CRB1: variants seen among roughly 807,000 people sequenced by gnomAD.
CRB1 encodes crumbs cell polarity complex component 1.
Under a neutral mutation model 120.0 loss-of-function variants are expected in CRB1, and 83 were observed. The ratio of observed to expected loss-of-function variants is 0.69; its 90% CI spans 0.58 to 0.83. The LOEUF (loss-of-function observed/expected upper bound fraction) is 0.83. Among genes scored for constraint, CRB1 ranks in the 40% least tolerant of loss-of-function variants. The probability of loss-of-function intolerance (pLI) is 0.00; values close to 1 mark genes in which losing one functional copy is unlikely to be tolerated. For missense variants in CRB1, 1,699 were observed against 1,687.6 expected (o/e 1.01, Z -0.12); for synonymous variants, 625 against 612.5 (o/e 1.02, Z -0.30).
upstream of CRB1, among the ~76,000 whole-genome samples, chr1:197,263,902 A>G (rs1654573185): frequency 6.6e-6 from 1 of 152,044 alleles, no homozygotes. Context: ...TGTTCAGTTT[A>G]TTTTCGAATA....
intron 1 of CRB1, among the ~76,000 whole-genome samples, chr1:197,271,407 T>C (rs1354279393): frequency 6.6e-6 from 1 of 152,194 alleles, no homozygotes; most frequent in Non-Finnish European, 1.5e-5. Flanking sequence ...TCAACCTTTA[T>C]GTCCTTCCAG....
intron 1 of CRB1, among the ~76,000 whole-genome samples, chr1:197,318,253 A>C (rs1285214948): frequency 2.0e-5 from 3 of 152,204 alleles, no homozygotes; most frequent in African/African-American, 4.8e-5. Flanking sequence ...GATGTTCAAC[A>C]TCAGAAATCA....
chr1:197,260,799 A>G, the CRB1 span, among the ~76,000 whole-genome samples: 1 of 151,740 alleles, frequency 6.6e-6, no homozygotes, highest in Non-Finnish European at 1.5e-5. Context: ...CAGGTTCAAG[A>G]GATGCTTCTG....
rs1328917136 is a variant in CRB1, at chr1:197,357,021, CA to C, written c.1171+10del. The C allele has an allele frequency of 6.2e-7, 1 of 1,613,908 alleles. No homozygotes were observed. The highest frequency in any genetic ancestry group is 1.1e-5 in the South Asian group (1 of 91,082). ...GTCAGCCTGGATTCACAGGTGAGGCCAAGGAGATGGGATATGACTTGACTTT... is the reference window on the plus strand; with the variant it reads ...GTCAGCCTGGATTCACAGGTGAGGCCAGGAGATGGGATATGACTTGACTTT... On this transcript the variant is annotated intron_variant, in intron 5 of 11. Transcript: ENST00000367400.
chr1:197,356,683 CT>C, intron 4 of CRB1, 147 bp from the exon 5 acceptor site: 4 of 768,806 alleles, frequency 5.2e-6, no homozygotes, highest in Non-Finnish European at 9.0e-6. Flanking sequence ...TAAGCCTCCT[CT>C]TACCAGATTC....
intron 5 of CRB1, among the ~76,000 whole-genome samples, chr1:197,370,955 T>A (rs900059379): frequency 6.6e-6 from 1 of 152,210 alleles, no homozygotes; most frequent in African/African-American, 2.4e-5. Context: ...TCTGCCCACT[T>A]CTTTGGTCAT....
chr1:197,227,414 A>T, the CRB1 span, among the ~76,000 whole-genome samples: 4 of 133,574 alleles, frequency 3.0e-5, no homozygotes, highest in East Asian at 6.6e-4. Context: ...TTTTTTTGAG[A>T]TGGAGTCTCG....
intron 11 of CRB1, among the ~76,000 whole-genome samples, chr1:197,467,460 A>ACAT (rs1160731743): frequency 6.6e-6 from 1 of 152,172 alleles, no homozygotes; most frequent in East Asian, 1.9e-4. Flanking sequence ...AAGAAATTTA[A>ACAT]CATCTTATAT....
chr1:197,401,035 C>T (rs1211563101), intron 5 of CRB1, among the ~76,000 whole-genome samples: 3 of 151,730 alleles, frequency 2.0e-5, no homozygotes, highest in South Asian at 2.1e-4. Flanking sequence ...GTTTTGTATC[C>T]GAATAAATTG....
rs540720099 is a variant in CRB1, at chr1:197,328,870, C to T, written c.519C>T (p.Phe173=). The T allele has an allele frequency of 4.3e-6, 7 of 1,614,192 alleles. No individual in the cohort carries two copies. The highest frequency in any genetic ancestry group is 1.7e-5 in the Admixed American group (1 of 60,022). The change falls in exon 2 of 12, where the codon TTC becomes TTT. Residue 173 remains phenylalanine (F), a synonymous_variant. Transcript: ENST00000367400. Reference sequence around the variant, plus strand: ...ATGGAATTGATGGTTACTCCTGCTTCTGTGTCCCAGGATATCAAGGCAGAC... The same window carrying T: ...ATGGAATTGATGGTTACTCCTGCTTTTGTGTCCCAGGATATCAAGGCAGAC... The part of the protein sequence containing the change: ...CQDGIDGYSC[F]CVPGYQGRHC...
intron 5 of CRB1, among the ~76,000 whole-genome samples, chr1:197,363,272 G>GTCTA (rs1558083352): frequency 6.6e-6 from 1 of 151,656 alleles, no homozygotes; most frequent in Non-Finnish European, 1.5e-5. Flanking sequence ...TTACTTATGT[G>GTCTA]TCTATTCTCC....
At chr1:197,355,436 C>A (rs149677635) in intron 4 of CRB1, among the ~76,000 whole-genome samples, 1 of 152,216 alleles carries the variant, frequency 6.6e-6, no homozygotes, top group East Asian at 1.9e-4. Context: ...CCCGGCGCCG[C>A]GGAGCAGGGG....
intron 11 of CRB1, among the ~76,000 whole-genome samples, chr1:197,454,532 G>A (rs943945261): frequency 5.9e-5 from 9 of 151,988 alleles, no homozygotes; most frequent in South Asian, 2.1e-4. Flanking sequence ...GGTTTTTCCC[G>A]TCAGAACACA....
At chr1:197,384,785 C>G (rs1232914852) in intron 5 of CRB1, among the ~76,000 whole-genome samples, 2 of 152,044 alleles carry the variant, frequency 1.3e-5, no homozygotes, top group African/African-American at 4.8e-5. Flanking sequence ...CATGAATGAC[C>G]ACATTTGCAT....
intron 5 of CRB1, among the ~76,000 whole-genome samples, chr1:197,403,611 G>T (rs1663179077): frequency 2.6e-5 from 4 of 152,028 alleles, no homozygotes; most frequent in Non-Finnish European, 5.9e-5. Context: ...GAGTCTTCAA[G>T]ATAACCCTGC....
chr1:197,472,156 T>C (rs1667010214), intron 11 of CRB1, among the ~76,000 whole-genome samples: 1 of 152,222 alleles, frequency 6.6e-6, no homozygotes, highest in African/African-American at 2.4e-5. Context: ...AACGCACATA[T>C]TGAAGCTGGA....
chr1:197,340,988 A>G (rs936162305), intron 2 of CRB1, among the ~76,000 whole-genome samples: 1 of 152,178 alleles, frequency 6.6e-6, no homozygotes, highest in Non-Finnish European at 1.5e-5. Context: ...GGATGGCAGC[A>G]GGCAAAGAGA....
chr1:197,229,688 G>A, the CRB1 span, among the ~76,000 whole-genome samples: 3 of 152,050 alleles, frequency 2.0e-5, no homozygotes, highest in South Asian at 2.1e-4. Flanking sequence ...GCTTTCACTC[G>A]TAAGTGAGAA....
intron 5 of CRB1, among the ~76,000 whole-genome samples, chr1:197,391,377 C>T (rs1662497714): frequency 2.6e-5 from 4 of 152,114 alleles, no homozygotes; most frequent in Admixed American, 2.6e-4. Context: ...TAGACAGAGG[C>T]TCATAAATTT....
Sources: gnomAD v4.1 joint callset for allele counts (sites outside exome capture counted in the v4.1 genomes callset) on GRCh38, gnomAD v4.1.1 for gene constraint, MANE v1.5 for transcripts, NCBI Gene and HGNC (gene_info 2026-07-23, HGNC 2026-07-21) for gene names.